Variants in WDR33 observed in about 807,000 individuals in gnomAD.
WDR33 encodes the protein pre-mRNA 3' end processing protein WDR33.
In WDR33, 47 loss-of-function variants were observed where a neutral mutation model predicts 164.9. That is an observed-to-expected ratio of 0.29 (90% CI 0.23 to 0.36). WDR33 has a LOEUF of 0.36. WDR33 is among the 10% of genes least tolerant of loss of function. The pLI, the probability that WDR33 is intolerant of heterozygous loss-of-function variation, is 1.00. For synonymous variants in WDR33, 505 were observed against 589.0 expected (o/e 0.86, Z 2.06); for missense variants, 1,137 against 1,754.1 (o/e 0.65, Z 6.28).
Position 127,770,649 on chromosome 2 carries a change from C to T in WDR33, c.204+129G>A, listed in dbSNP as rs187070666. The T allele has an allele frequency of 2.6e-4, 160 of 622,306 alleles. No individual in the cohort carries two copies. In the East Asian group the frequency reaches 7.7e-3, roughly 30 times the overall value. The allele number at this position is 622,306 out of a possible 1,614,324, so 38.5% of individuals were successfully genotyped here. A position where few individuals can be genotyped will look rare whatever the true frequency, so the allele number is the denominator to read the frequency against. ...GAGGTTGCAGTGAGCCAAAACCACA[C>T]CACTGCACTCTGGCCTGGGCAACAA... is the stretch of plus-strand genomic sequence containing the variant. On this transcript the variant is annotated intron_variant, in intron 2 of 21. Coordinates refer to ENST00000322313, the MANE Select transcript of WDR33 (RefSeq NM_018383.5). This position sits in a 1 kb window ranked among gnomAD's most constrained non-coding sequence, Gnocchi z 4.9.
rs533908252 is a variant in WDR33 at position 127,703,855 on chromosome 2, C to A, written c.*2468G>T. ...TCAACATTTCTCAGCTGGTGGCTCA[C>A]ACCTGTAATCCCAGCATTTTGGGAG... On this transcript the variant is annotated 3_prime_UTR_variant, in exon 22 of 22. Transcript: ENST00000322313. 6.0e-6 allele frequency: 1 copy of A among 166,762 alleles called. No homozygotes were observed. The highest frequency in any genetic ancestry group is 2.1e-4 in the South Asian group (1 of 4,822). 10.3% of individuals were successfully genotyped at this position (166,762 alleles called of 1,614,324 possible). A position where few individuals can be genotyped will look rare whatever the true frequency, so the allele number is the denominator to read the frequency against.
At chr2:127,728,312 T>TA (rs970120997) in intron 7 of WDR33, among the ~76,000 whole-genome samples, 6 of 152,130 alleles carry the variant, frequency 3.9e-5, no homozygotes, top group African/African-American at 9.7e-5. Context: ...TAATTTATTT[T>TA]AAAAAAATAC....
At position 127,723,867 on chromosome 2, in the gene WDR33, A is replaced by G. The variant is rs1686500242; in HGVS notation, c.1196+466T>C. ...TGAGGCAGGAGGATTGCCTAAGCCC[A>G]GGAGTTTGACATCAGCCTGGGCAAC... On this transcript the variant is annotated intron_variant, in intron 11 of 21. Transcript: ENST00000322313. The surrounding 1 kb of genome is among the most constrained non-coding windows in gnomAD (Gnocchi z 5.9). 6.6e-6 allele frequency among the ~76,000 whole-genome samples: 1 copy of G among 152,190 alleles called. No individual in the cohort carries two copies. Among genetic ancestry groups the G allele is most frequent in the African/African-American group, 2.4e-5 (1 of 41,456 alleles).
intron 18 of WDR33, among the ~76,000 whole-genome samples, chr2:127,711,769 T>TAGATAG (rs1686175420): frequency 4.3e-5 from 4 of 92,368 alleles, no homozygotes; most frequent in African/African-American, 2.3e-4. Flanking sequence ...TATATATATA[T>TAGATAG]ATATATATAT....
chr2:127,787,869 G>A (rs1092612), intron 1 of WDR33, among the ~76,000 whole-genome samples: 1 of 84,198 alleles, frequency 1.2e-5, no homozygotes, highest in African/African-American at 6.2e-5. Context: ...CCTCCCGGAC[G>A]GGGCGGCTGG....
At chr2:127,751,450 G>A (rs997101213) in intron 7 of WDR33, among the ~76,000 whole-genome samples, 3 of 148,630 alleles carry the variant, frequency 2.0e-5, no homozygotes, top group East Asian at 3.9e-4. Flanking sequence ...AAAAAAACAG[G>A]TTGGGCAGGA....
chr2:127,724,506 C>T lies in WDR33; in HGVS notation c.1086-63G>A, dbSNP rs1573889635. ...AGTTACCCAGCTTCTCCCTCCCCCT[C>T]AAAAAAGACATTTTCTGTTACTCTT... On this transcript the variant is annotated intron_variant, in intron 10 of 21. Transcript: ENST00000322313. The surrounding 1 kb of genome is among the most constrained non-coding windows in gnomAD (Gnocchi z 4.8). The T allele has an allele frequency of 7.2e-7, 1 of 1,388,502 alleles. No individual in the cohort carries two copies. Among genetic ancestry groups the T allele is most frequent in the East Asian group, 2.3e-5 (1 of 43,602 alleles). 86.0% of individuals were successfully genotyped at this position (1,388,502 alleles called of 1,614,324 possible). A position where few individuals can be genotyped will look rare whatever the true frequency, so the allele number is the denominator to read the frequency against.
intron 1 of WDR33, among the ~76,000 whole-genome samples, chr2:127,796,202 G>A (rs1689033187): frequency 6.6e-6 from 1 of 151,574 alleles, no homozygotes; most frequent in Non-Finnish European, 1.5e-5. Flanking sequence ...CTCCTGAGTA[G>A]CTGGGACTAT....
intron 7 of WDR33, among the ~76,000 whole-genome samples, chr2:127,747,055 C>T (rs903498454): frequency 3.3e-5 from 5 of 152,078 alleles, no homozygotes; most frequent in South Asian, 2.1e-4. Context: ...AAGTGAGTTT[C>T]GCCCAAACAG....
intron 8 of WDR33, among the ~76,000 whole-genome samples, chr2:127,725,563 G>A (rs929402113): frequency 6.6e-6 from 1 of 152,016 alleles, no homozygotes; most frequent in African/African-American, 2.4e-5. Flanking sequence ...GTGAAACCCA[G>A]ACTCTACTAA....
At position 127,795,187 on chromosome 2, in the gene WDR33, G is replaced by A. The variant is rs181652092; in HGVS notation, c.-24+15825C>T. Among the ~76,000 whole-genome samples the A allele has an allele frequency of 8.9e-3, 1,315 of 146,940 alleles. 32 individuals are homozygous for A. The highest frequency in any genetic ancestry group is 0.031 in the African/African-American group (1,196 of 38,984). ...GCGATCTCGGCTTACTGCAACCTCT[G>A]CCTCTCGGGTTCAAGCAATTCTCCT... On this transcript the variant is annotated intron_variant, in intron 1 of 21. Coordinates refer to ENST00000322313, the MANE Select transcript of WDR33 (RefSeq NM_018383.5).
intron 7 of WDR33, among the ~76,000 whole-genome samples, chr2:127,761,271 G>A (rs1398677278): frequency 3.3e-5 from 5 of 151,772 alleles, no homozygotes; most frequent in East Asian, 3.9e-4. Context: ...TGCAAACTCC[G>A]CTCACTGCAA....
At chr2:127,753,679 G>T (rs1284612185) in intron 7 of WDR33, among the ~76,000 whole-genome samples, 1 of 152,146 alleles carries the variant, frequency 6.6e-6, no homozygotes, top group African/African-American at 2.4e-5. Flanking sequence ...CAGGAGACTA[G>T]CAGAAGAAAC....
chr2:127,766,274 G>A (rs772365001), intron 4 of WDR33, among the ~76,000 whole-genome samples: 1 of 152,112 alleles, frequency 6.6e-6, no homozygotes, highest in Non-Finnish European at 1.5e-5. Context: ...CGACAAAGTT[G>A]AAAAATACAA....
chr2:127,712,334 T>G lies in WDR33; in HGVS notation c.3308+1249A>C, dbSNP rs1037063350. Among the ~76,000 whole-genome samples, 4 of 150,130 alleles carry G rather than the reference T, an allele frequency of 2.7e-5. No homozygotes were observed. The highest frequency in any genetic ancestry group is 1.5e-5 in the Non-Finnish European group (1 of 67,800). On this transcript the variant is annotated intron_variant, in intron 18 of 21. Coordinates refer to ENST00000322313, the MANE Select transcript of WDR33 (RefSeq NM_018383.5). This position sits in a 1 kb window ranked among gnomAD's most constrained non-coding sequence, Gnocchi z 4.0. ...TCACTTGAACCTGGAAGGTGGAGGC[T>G]GCAGTGAGCCGAGATCGTGCCACTG...
rs140732221 is a variant in WDR33, at chr2:127,778,514, A to AAC, written c.-23-7512_-23-7511dup. Among the ~76,000 whole-genome samples, 327 of 150,344 alleles carry AAC rather than the reference A, an allele frequency of 2.2e-3. 1 individual carries two copies. The highest frequency in any genetic ancestry group is 8.4e-3 in the South Asian group (40 of 4,778). Reference sequence around the variant, plus strand: ...AGCCCTGACTACCTGCCAGACAATGAACACACACACACACACACATTCTGT... The same window carrying AAC: ...AGCCCTGACTACCTGCCAGACAATGAACACACACACACACACACACATTCTGT... On this transcript the variant is annotated intron_variant, in intron 1 of 21. Coordinates refer to ENST00000322313, the MANE Select transcript of WDR33 (RefSeq NM_018383.5).
At chr2:127,782,169 G>A (rs1277648536) in intron 1 of WDR33, among the ~76,000 whole-genome samples, 1 of 152,096 alleles carries the variant, frequency 6.6e-6, no homozygotes, top group African/African-American at 2.4e-5. Context: ...CACTTCAGGA[G>A]ACCAAGGCAG....
In WDR33 at chr2:127,720,279, G is replaced by A; in HGVS notation, c.1746C>T (p.Leu582=). The A allele has an allele frequency of 6.5e-7, 1 of 1,533,836 alleles. No individual in the cohort carries two copies. The highest frequency in any genetic ancestry group is 8.8e-7 in the Non-Finnish European group (1 of 1,140,830). Residue 582 remains leucine (L), a synonymous_variant, in exon 16 of 22, where the codon CTC becomes CTT. Coordinates refer to ENST00000322313, the MANE Select transcript of WDR33 (RefSeq NM_018383.5). The surrounding 1 kb of genome is among the most constrained non-coding windows in gnomAD (Gnocchi z 5.9). ...IQPPPSSGTP[L]LGPQPFPGQG... is the part of the protein sequence containing the mutation. ...GTCCTGGAAAAGGCTGGGGTCCGAG[G>A]AGAGGGGTGCCAGATGAGGGAGGAG... is the stretch of plus-strand genomic sequence containing the variant.
intron 1 of WDR33, among the ~76,000 whole-genome samples, chr2:127,788,399 C>G: frequency 8.1e-6 from 1 of 124,074 alleles, no homozygotes; most frequent in Admixed American, 7.4e-5. Context: ...ACCTCCCGGA[C>G]GGGGCGGCTG....
Sources: allele counts gnomAD v4.1 joint callset (sites outside exome capture counted in the v4.1 genomes callset), GRCh38; gene constraint gnomAD v4.1.1; non-coding constraint Gnocchi (gnomAD v3.1); transcripts MANE v1.5; gene names NCBI Gene and HGNC (gene_info 2026-07-23, HGNC 2026-07-21).